The following NAV1 variants were observed in gnomAD, a reference collection of about 807,000 sequenced individuals.
NAV1 encodes pore membrane and/or filament interacting like protein 3.
In NAV1, 18 loss-of-function variants were observed where a neutral mutation model predicts 175.2. The observed-to-expected ratio is 0.10, with a 90% confidence interval of 0.07 to 0.15. NAV1 has a LOEUF of 0.15. Ranked by LOEUF, NAV1 falls within the 10% of genes least tolerant of loss-of-function variation. NAV1 has a pLI of 1.00. For synonymous variants in NAV1, 897 were observed against 978.7 expected (o/e 0.92, Z 1.56); for missense variants, 1,731 against 2,436.6 (o/e 0.71, Z 6.10).
intron 1 of NAV1, among the ~76,000 whole-genome samples, chr1:201,575,246 A>T (rs1666661883): frequency 6.6e-6 from 1 of 152,126 alleles, no homozygotes; most frequent in Non-Finnish European, 1.5e-5. Flanking sequence ...AGAGAGAGAG[A>T]TGTGTCTTCT....
At chr1:201,557,576 A>G (rs1012171634) in intron 1 of NAV1, among the ~76,000 whole-genome samples, 1 of 152,140 alleles carries the variant, frequency 6.6e-6, no homozygotes. Flanking sequence ...CCACCTCCAA[A>G]TTAGCACCGT....
At chr1:201,739,784 C>A in intron 3 of NAV1, 2 of 1,219,740 alleles carry the variant, frequency 1.6e-6, no homozygotes. Flanking sequence ...ATCGCCGGGG[C>A]TCGGGACAGA....
intron 3 of NAV1, among the ~76,000 whole-genome samples, chr1:201,753,740 T>C (rs1179500979): frequency 6.6e-6 from 1 of 152,212 alleles, no homozygotes; most frequent in Non-Finnish European, 1.5e-5. Flanking sequence ...ATTTTTAAGC[T>C]GTGCTAGGCA....
intron 3 of NAV1, among the ~76,000 whole-genome samples, chr1:201,760,329 C>T (rs956520115): frequency 6.6e-6 from 1 of 151,726 alleles, no homozygotes; most frequent in Non-Finnish European, 1.5e-5. Flanking sequence ...TAACCAGTCT[C>T]ATAACCCGTT....
At chr1:201,793,556 C>T (rs1204147032) in intron 13 of NAV1, 8 of 488,190 alleles carry the variant, frequency 1.6e-5, no homozygotes, top group Non-Finnish European at 3.0e-5. Context: ...CCTCTGGAAA[C>T]CTGCCCTACC....
intron 2 of NAV1, among the ~76,000 whole-genome samples, chr1:201,612,033 G>A (rs1408759193): frequency 6.6e-6 from 1 of 152,156 alleles, no homozygotes; most frequent in Non-Finnish European, 1.5e-5. Flanking sequence ...GTATCAGTGT[G>A]TATATGTATT....
chr1:201,564,473 G>A (rs1328890384), intron 1 of NAV1, among the ~76,000 whole-genome samples: 3 of 152,084 alleles, frequency 2.0e-5, no homozygotes, highest in African/African-American at 2.4e-5. Flanking sequence ...AAATTAGCTG[G>A]GTGTGGTGAC....
In NAV1 at chr1:201,648,638, G is replaced by A. The variant is rs1458946635; in HGVS notation, c.-31G>A. 5 of 1,296,232 alleles carry A rather than the reference G, an allele frequency of 3.9e-6. 1 individual carries two copies. The highest frequency in any genetic ancestry group is 7.9e-5 in the Admixed American group (2 of 25,416). The allele number at this position is 1,296,232 out of a possible 1,614,324, so 80.3% of individuals were successfully genotyped here. On this transcript the variant is annotated 5_prime_UTR_variant, in exon 1 of 30. Coordinates refer to ENST00000367296, the Ensembl canonical transcript of NAV1. ...CCCCTCCCCCCGTGCCTGCAGACGC[G>A]CGGATCGTCCATGCGCTCCTCGCGG...
chr1:201,667,258 C>T (rs1266459637), intron 1 of NAV1, among the ~76,000 whole-genome samples: 1 of 152,208 alleles, frequency 6.6e-6, no homozygotes, highest in Non-Finnish European at 1.5e-5. Context: ...TTAAGCCATC[C>T]CCTTCCTTAG....
Position 201,695,843 on chromosome 1 carries a change from C to A in NAV1, c.758-16974C>A, listed in dbSNP as rs191422367. On this transcript the variant is annotated intron_variant, in intron 1 of 29. Coordinates refer to ENST00000367296, the Ensembl canonical transcript of NAV1. ...GCCTGAGACCCCACCCTGCCACCAC[C>A]CCGGCAGGAGCTCCGGCTGCACCGC... Among the ~76,000 whole-genome samples the A allele has an allele frequency of 4.6e-4, 70 of 152,366 alleles. 2 individuals are homozygous for A. The East Asian group carries it at 0.013, about 29-fold the overall frequency.
chr1:201,636,690 G>A (rs953963302), intron 2 of NAV1, among the ~76,000 whole-genome samples: 3 of 151,708 alleles, frequency 2.0e-5, no homozygotes, highest in Non-Finnish European at 4.4e-5. Context: ...TCCAGGAGAA[G>A]GAAATGAGAG....
intron 1 of NAV1, among the ~76,000 whole-genome samples, chr1:201,540,371 C>T (rs185811227): frequency 6.6e-6 from 1 of 152,296 alleles, no homozygotes; most frequent in Admixed American, 6.5e-5. Context: ...ACCATTGGCT[C>T]GTTCAAATTC....
intron 3 of NAV1, among the ~76,000 whole-genome samples, chr1:201,769,176 CATCTAATGACAGCCTT>C (rs1675402773): frequency 6.6e-6 from 1 of 152,178 alleles, no homozygotes; most frequent in African/African-American, 2.4e-5. Context: ...GCTGCAGAAC[CATCTAATGACAGCCTT>C]ATCTAAAACA....
At chr1:201,630,401 G>T (rs1164574039) in intron 2 of NAV1, among the ~76,000 whole-genome samples, 1 of 152,338 alleles carries the variant, frequency 6.6e-6, no homozygotes, top group African/African-American at 2.4e-5. Context: ...TTGTCTTGGT[G>T]CCCTGCTCCA....
At chr1:201,594,455 T>A (rs1667295843) in intron 2 of NAV1, among the ~76,000 whole-genome samples, 1 of 152,164 alleles carries the variant, frequency 6.6e-6, no homozygotes, top group Non-Finnish European at 1.5e-5. Flanking sequence ...GAGAGCCCTG[T>A]AATCAGAGGT....
chr1:201,567,750 C>T (rs948465113), intron 1 of NAV1, among the ~76,000 whole-genome samples: 5 of 152,090 alleles, frequency 3.3e-5, no homozygotes, highest in African/African-American at 4.8e-5. Flanking sequence ...ACATGTCTAC[C>T]CATGAGAGAC....
chr1:201,745,902 C>T (rs1439383128), intron 3 of NAV1, among the ~76,000 whole-genome samples: 3 of 152,070 alleles, frequency 2.0e-5, no homozygotes, highest in Admixed American at 6.6e-5. Context: ...GCGCCATCTC[C>T]GCTCATTGCC....
chr1:201,585,107 A>C (rs1322283647), intron 1 of NAV1, among the ~76,000 whole-genome samples: 1 of 149,986 alleles, frequency 6.7e-6, no homozygotes, highest in South Asian at 2.2e-4. Flanking sequence ...TCTTCTCCCC[A>C]GTCTCCCAAG....
chr1:201,717,010 C>T (rs1040220084), intron 2 of NAV1, among the ~76,000 whole-genome samples: 2 of 152,212 alleles, frequency 1.3e-5, no homozygotes, highest in African/African-American at 4.8e-5. Context: ...GGGCCTCCCC[C>T]ATCTTGCCCA....
Sources: gnomAD v4.1 joint callset for allele counts (sites outside exome capture counted in the v4.1 genomes callset) on GRCh38, gnomAD v4.1.1 for gene constraint, MANE v1.5 for transcripts, NCBI Gene and HGNC (gene_info 2026-07-23, HGNC 2026-07-21) for gene names.